ZNF155: variants seen among roughly 807,000 people sequenced by gnomAD.
ZNF155 encodes zinc finger protein 155, also known as KRAB A domain.
A neutral mutation model predicts 11.9 loss-of-function variants in ZNF155; 15 were observed. The ratio of observed to expected loss-of-function variants is 1.26; its 90% CI spans 0.84 to 1.94. ZNF155 has a LOEUF of 1.94. ZNF155 is among the 30% of genes most tolerant of loss of function. The probability of loss-of-function intolerance (pLI) is 0.00; values close to 1 mark genes in which losing one functional copy is unlikely to be tolerated. For synonymous variants in ZNF155, 212 were observed against 219.9 expected, an observed-to-expected ratio of 0.96 and a Z score of 0.32; for missense variants, 602 against 639.1, an observed-to-expected ratio of 0.94 and a Z score of 0.63.
At chr19:43,985,709 T>G (rs1310843956) in intron 1 of ZNF155, among the ~76,000 whole-genome samples, 2 of 151,970 alleles carry the variant, frequency 1.3e-5, no homozygotes, top group Admixed American at 6.5e-5. Flanking sequence ...GCCCAGCTAA[T>G]TTTTGTATTT....
rs1176737212 is a variant in ZNF155 at position 43,997,343 on chromosome 19, A to C, written c.1486A>C (p.Arg496=). ...GGACTGTGGAAAGAGGCTTGTACAC[A>C]GGACATACCGTAAAGACCAGCCGAG... The part of the protein sequence containing the change: ...CEDCGKRLVH[R]TYRKDQPRDY... The change falls in exon 5 of 5, where the codon AGG becomes CGG. Residue 496 remains arginine (R), a synonymous_variant. Transcript: ENST00000270014. 1.9e-6 allele frequency: 3 copies of C among 1,613,782 alleles called. No individual in the cohort carries two copies. The highest frequency in any genetic ancestry group is 2.5e-6 in the Non-Finnish European group (3 of 1,179,814).
intron 1 of ZNF155, among the ~76,000 whole-genome samples, chr19:43,985,276 G>A (rs2033679756): frequency 1.3e-5 from 2 of 151,940 alleles, no homozygotes; most frequent in South Asian, 2.1e-4. Context: ...GGCCAGGCTG[G>A]TCTCGAACCT....
At chr19:43,987,987 G>T (rs1173356759) in intron 1 of ZNF155, among the ~76,000 whole-genome samples, 1 of 152,094 alleles carries the variant, frequency 6.6e-6, no homozygotes, top group East Asian at 1.9e-4. Flanking sequence ...CCCACTTACA[G>T]TTAAAACTCA....
intron 1 of ZNF155, among the ~76,000 whole-genome samples, chr19:43,986,449 G>GT (rs869271791): frequency 0.12 from 6,816 of 57,942 alleles, 584 homozygotes; most frequent in African/African-American, 0.23. Flanking sequence ...TCCCATTTGT[G>GT]TTTTTTTTTT....
chr19:43,994,730 C>T (rs917207842), intron 4 of ZNF155, among the ~76,000 whole-genome samples: 1 of 152,192 alleles, frequency 6.6e-6, no homozygotes, highest in Non-Finnish European at 1.5e-5. Context: ...GACTTAGACT[C>T]AAAGTACTGT....
At chr19:43,985,819 C>T (rs143187402) in intron 1 of ZNF155, among the ~76,000 whole-genome samples, 1,837 of 151,434 alleles carry the variant, frequency 0.012, 40 homozygotes, top group African/African-American at 0.043. Flanking sequence ...GGATTACAGG[C>T]GTGAGCCACC....
At position 43,996,973 on chromosome 19, in the gene ZNF155, T is replaced by C. The variant is rs1256316912; in HGVS notation, c.1116T>C (p.Tyr372=). 6.2e-7 allele frequency: 1 copy of C among 1,614,118 alleles called. No individual in the cohort carries two copies. Among genetic ancestry groups the C allele is most frequent in the Non-Finnish European group, 8.5e-7 (1 of 1,179,986 alleles). The stretch of plus-strand genomic sequence containing the variant: ...TGGTCCACACAGGAGAAAAACCATA[T>C]AATTGTAAAGAATGTGGGAAGAGCT... The part of the protein sequence containing the change: ...HQVVHTGEKP[Y]NCKECGKSFR... The change falls in exon 5 of 5, where the codon TAT becomes TAC. Residue 372 remains tyrosine, a synonymous_variant. Coordinates refer to ENST00000270014, the MANE Select transcript of ZNF155 (RefSeq NM_198089.3).
intron 1 of ZNF155, among the ~76,000 whole-genome samples, chr19:43,984,979 C>T (rs1975385204): frequency 1.3e-5 from 2 of 152,218 alleles, no homozygotes; most frequent in African/African-American, 4.8e-5. Flanking sequence ...GACTTGGCTA[C>T]TGAGGACAAA....
chr19:43,992,138 T>C (rs532197414), intron 4 of ZNF155, among the ~76,000 whole-genome samples: 3 of 152,318 alleles, frequency 2.0e-5, no homozygotes, highest in African/African-American at 7.2e-5. Flanking sequence ...GGAAGTCAGA[T>C]TGTCATTCCT....
intron 4 of ZNF155, among the ~76,000 whole-genome samples, chr19:43,993,257 A>T (rs1975725996): frequency 6.6e-6 from 1 of 152,224 alleles, no homozygotes; most frequent in African/African-American, 2.4e-5. Context: ...TTTCAAAAAC[A>T]TTAAAGGATA....
At chr19:43,987,782 C>T (rs540285907) in intron 1 of ZNF155, among the ~76,000 whole-genome samples, 1 of 152,304 alleles carries the variant, frequency 6.6e-6, no homozygotes, top group South Asian at 2.1e-4. Flanking sequence ...TCAGTATGGA[C>T]TCAGTCTTGT....
At chr19:43,991,818 G>T (rs1158434988) in intron 3 of ZNF155, 24 bp from the exon 4 acceptor site, 1 of 1,610,482 alleles carries the variant, frequency 6.2e-7, no homozygotes, top group East Asian at 2.2e-5. Flanking sequence ...TTGGGATTCA[G>T]CACGTGACCT....
chr19:43,990,500 T>C (rs556040665), intron 2 of ZNF155, among the ~76,000 whole-genome samples: 3 of 152,324 alleles, frequency 2.0e-5, no homozygotes, highest in East Asian at 3.9e-4. Flanking sequence ...GACTATTATT[T>C]AGAGAGGAAA....
rs186337736 is a variant in ZNF155 at position 43,992,683 on chromosome 19, G to T, written c.235+749G>T. Among the ~76,000 whole-genome samples, 129 of 152,318 alleles carry T rather than the reference G, an allele frequency of 8.5e-4. 5 individuals are homozygous for T. The East Asian group carries it at 0.019, about 22-fold the overall frequency. On this transcript the variant is annotated intron_variant, in intron 4 of 4. Transcript: ENST00000270014. ...CCTTGTGATTGCATTGGTCACTCCT[G>T]CATAAACCAGGATGATCTTCCTACC...
rs774235806 is a variant in ZNF155, at chr19:43,991,798, C to A, written c.143-44C>A. Reference sequence around the variant, plus strand: ...CCAGTAAATTTTGCCTAAATATTACCCAGAATGTGTTGGGATTCAGCACGT... The same window carrying A: ...CCAGTAAATTTTGCCTAAATATTACACAGAATGTGTTGGGATTCAGCACGT... On this transcript the variant is annotated intron_variant, in intron 3 of 4. Coordinates refer to ENST00000270014, the MANE Select transcript of ZNF155 (RefSeq NM_198089.3). 5.0e-6 allele frequency: 8 copies of A among 1,606,896 alleles called. No individual in the cohort carries two copies. The East Asian group carries it at 1.6e-4, about 31-fold the overall frequency.
chr19:43,989,591 G>T (rs1485163265), intron 2 of ZNF155, among the ~76,000 whole-genome samples: 1 of 152,188 alleles, frequency 6.6e-6, no homozygotes, highest in African/African-American at 2.4e-5. Context: ...CTGTGATGTG[G>T]ATGTCTGGAG....
chr19:43,987,371 A>G (rs1433008982), intron 1 of ZNF155, among the ~76,000 whole-genome samples: 1 of 152,070 alleles, frequency 6.6e-6, no homozygotes, highest in Admixed American at 6.5e-5. Context: ...TTTTTCTTTA[A>G]TATATGTGGT....
At chr19:43,987,421 G>A (rs553111941) in intron 1 of ZNF155, among the ~76,000 whole-genome samples, 14 of 152,178 alleles carry the variant, frequency 9.2e-5, no homozygotes, top group South Asian at 4.1e-4. Flanking sequence ...GGAGAAAGAC[G>A]TTCATTGGGA....
chr19:43,986,219 GCTAA>G (rs1319343664), intron 1 of ZNF155, among the ~76,000 whole-genome samples: 15 of 152,260 alleles, frequency 9.9e-5, no homozygotes, highest in South Asian at 2.1e-4. Context: ...ATGTGAAGGT[GCTAA>G]CTGTCTGATA....
Sources: gnomAD v4.1 joint callset for allele counts (sites outside exome capture counted in the v4.1 genomes callset) on GRCh38, gnomAD v4.1.1 for gene constraint, MANE v1.5 for transcripts, NCBI Gene and HGNC (gene_info 2026-07-23, HGNC 2026-07-21) for gene names.